IGSF10: variants seen among roughly 807,000 people sequenced by gnomAD.
IGSF10 encodes the protein immunoglobulin superfamily member 10.
A neutral mutation model predicts 128.2 loss-of-function variants in IGSF10; 126 were observed. The ratio of observed to expected loss-of-function variants is 0.98; its 90% CI spans 0.85 to 1.14. The LOEUF (loss-of-function observed/expected upper bound fraction) is 1.14. Ranked by LOEUF, IGSF10 falls within the 50% of genes most tolerant of loss-of-function variation. IGSF10 has a pLI of 0.00. For synonymous variants in IGSF10, 1,185 were observed against 1,146.2 expected (o/e 1.03, Z -0.68); for missense variants, 3,295 against 3,149.8 (o/e 1.05, Z -1.10).
chr3:151,617,127 C>T, the IGSF10 span, among the ~76,000 whole-genome samples: 2 of 151,980 alleles, frequency 1.3e-5, no homozygotes, highest in African/African-American at 4.8e-5. Context: ...ATACTACTTT[C>T]TTCTTCTCCT....
At chr3:151,549,280 C>CTGA in the IGSF10 span, among the ~76,000 whole-genome samples, 3 of 152,088 alleles carry the variant, frequency 2.0e-5, no homozygotes, top group Non-Finnish European at 4.4e-5. Context: ...GTGGCAGGAA[C>CTGA]TGATGTGATT....
intron 5 of IGSF10, among the ~76,000 whole-genome samples, chr3:151,451,473 G>A (rs1721505990): frequency 6.6e-6 from 1 of 152,168 alleles, no homozygotes; most frequent in African/African-American, 2.4e-5. Context: ...GCCAATGGAT[G>A]CTCAGGAAAG....
At chr3:151,434,223 CTTT>C (rs1250571422), downstream of IGSF10, 2 of 152,190 alleles carry the variant, frequency 1.3e-5, no homozygotes, top group African/African-American at 4.8e-5. Flanking sequence ...TGTAAATCTA[CTTT>C]TTTTAAAATG....
the IGSF10 span, among the ~76,000 whole-genome samples, chr3:151,600,066 T>C: frequency 6.6e-6 from 1 of 152,346 alleles, no homozygotes; most frequent in Non-Finnish European, 1.5e-5. Context: ...AATTGTAGTA[T>C]CATGAAGTTG....
the IGSF10 span, among the ~76,000 whole-genome samples, chr3:151,618,716 T>C: frequency 1.4e-3 from 195 of 143,984 alleles, no homozygotes; most frequent in Middle Eastern, 0.015. Context: ...GGCAACAGAG[T>C]GAGACTCCAT....
At chr3:151,440,395 A>AT (rs879290316) in intron 7 of IGSF10, among the ~76,000 whole-genome samples, 83 of 151,750 alleles carry the variant, frequency 5.5e-4, no homozygotes, top group Non-Finnish European at 8.7e-4. Flanking sequence ...TATTAGAGAA[A>AT]ATTTTTTTTT....
At chr3:151,531,321 T>G in the IGSF10 span, among the ~76,000 whole-genome samples, 1 of 152,166 alleles carries the variant, frequency 6.6e-6, no homozygotes, top group African/African-American at 2.4e-5. Context: ...AACTCACCTC[T>G]GGACCAAGCA....
chr3:151,445,509 G>A lies in IGSF10; in HGVS notation c.4472C>T (p.Ala1491Val), dbSNP rs571172994. The part of the protein sequence containing the change: ...FTQRAVTDNV[A>V]TPISGLMTNT... ...TGTCATAAGCCCGGAAATGGGAGTC[G>A]CCACGTTGTCAGTAACTGCTCTCTG... The change falls in exon 6 of 8, where the codon GCG (alanine) becomes GTG (valine). Residue 1491 changes from alanine to valine, a missense_variant. Ala to Val is a moderately conservative substitution (Grantham distance 64, BLOSUM62 0). Transcript: ENST00000282466. The A allele has an allele frequency of 2.7e-5, 44 of 1,614,108 alleles. No homozygotes were observed. Among genetic ancestry groups the A allele is most frequent in the Admixed American group, 1.8e-4 (11 of 60,018 alleles).
chr3:151,550,821 T>G, the IGSF10 span, among the ~76,000 whole-genome samples: 1 of 152,164 alleles, frequency 6.6e-6, no homozygotes, highest in East Asian at 1.9e-4. Flanking sequence ...TGCTGTCTGT[T>G]GGCCCTTCAT....
At position 151,437,831 on chromosome 3, in the gene IGSF10, T is replaced by C; in HGVS notation, c.6730A>G (p.Arg2244Gly). ...ACAGCTGTGGCTTTAATAACAGTTC[T>C]GTTTGTATACAGACCATTGATTAAT... Reference protein sequence around the residue: ...PPLINGLYTNRTVIKATAVRH... With the variant: ...PPLINGLYTNGTVIKATAVRH... Residue 2244 changes from arginine to glycine, a missense_variant, in exon 8 of 8, where the codon AGA becomes GGA. Arg to Gly is a moderately radical substitution (Grantham distance 125, BLOSUM62 -2). Transcript: ENST00000282466. 1.9e-6 allele frequency: 3 copies of C among 1,614,048 alleles called. No homozygotes were observed. The highest frequency in any genetic ancestry group is 1.7e-6 in the Non-Finnish European group (2 of 1,180,022).
intron 5 of IGSF10, 38 bp downstream of exon 5, chr3:151,453,346 C>T (rs1721600709): frequency 6.6e-7 from 1 of 1,507,300 alleles, no homozygotes; most frequent in Admixed American, 2.3e-5. Flanking sequence ...CAGATTTCCT[C>T]CACTTAATTG....
chr3:151,604,630 T>G, the IGSF10 span, among the ~76,000 whole-genome samples: 2 of 150,508 alleles, frequency 1.3e-5, 1 homozygote, highest in South Asian at 4.2e-4. Flanking sequence ...CACACACATA[T>G]ATATATATAG....
chr3:151,461,091 C>A, upstream of IGSF10: 1 of 985,328 alleles, frequency 1.0e-6, no homozygotes, highest in South Asian at 4.7e-5. Context: ...GGGATGAGCC[C>A]GACTTCTGTG....
At chr3:151,497,495 G>T in the IGSF10 span, among the ~76,000 whole-genome samples, 19 of 152,090 alleles carry the variant, frequency 1.2e-4, no homozygotes, top group Admixed American at 9.2e-4. Context: ...TAGATATGTG[G>T]CATTATTTCT....
chr3:151,572,144 C>A, the IGSF10 span, among the ~76,000 whole-genome samples: 2,773 of 152,136 alleles, frequency 0.018, 29 homozygotes, highest in Middle Eastern at 0.038. Context: ...GAGGATTTTC[C>A]CATTGATGAT....
the IGSF10 span, among the ~76,000 whole-genome samples, chr3:151,507,886 G>T: frequency 7.2e-5 from 11 of 151,934 alleles, no homozygotes; most frequent in East Asian, 2.1e-3. Flanking sequence ...ATGGTATAAA[G>T]AAAGCTGTCA....
At chr3:151,433,885 C>CA (rs2108502393), downstream of IGSF10, 1 of 152,588 alleles carries the variant, frequency 6.6e-6, no homozygotes, top group African/African-American at 2.4e-5. Context: ...TAAATTGGTG[C>CA]AAAAAGCACA....
chr3:151,547,020 C>CA, the IGSF10 span, among the ~76,000 whole-genome samples: 25 of 152,142 alleles, frequency 1.6e-4, no homozygotes, highest in Non-Finnish European at 2.5e-4. Flanking sequence ...ATCCACCCCC[C>CA]CCTTGGCCTC....
At chr3:151,511,972 T>G in the IGSF10 span, among the ~76,000 whole-genome samples, 14 of 152,130 alleles carry the variant, frequency 9.2e-5, no homozygotes, top group Non-Finnish European at 1.8e-4. Context: ...AGCAAGTCCT[T>G]AGTGACCTAC....
Sources: gnomAD v4.1 joint callset for allele counts (sites outside exome capture counted in the v4.1 genomes callset) on GRCh38, gnomAD v4.1.1 for gene constraint, MANE v1.5 for transcripts, NCBI Gene and HGNC (gene_info 2026-07-23, HGNC 2026-07-21) for gene names.